ADPRS: variants seen among roughly 807,000 people sequenced by gnomAD.
ADPRS encodes ADP-ribosylserine hydrolase.
ADPRS carries 25 observed loss-of-function variants against 32.1 expected under a neutral mutation model. The ratio of observed to expected loss-of-function variants is 0.78; its 90% CI spans 0.57 to 1.09. ADPRS has a LOEUF of 1.09. Ranked by LOEUF, ADPRS falls within the 50% of genes least tolerant of loss-of-function variation. The probability of loss-of-function intolerance (pLI) is 0.00; values close to 1 mark genes in which losing one functional copy is unlikely to be tolerated. For missense variants in ADPRS, 482 were observed against 480.6 expected, an observed-to-expected ratio of 1.00 and a Z score of -0.03; for synonymous variants, 225 against 201.0, an observed-to-expected ratio of 1.12 and a Z score of -1.01.
In ADPRS at chr1:36,091,744, G is replaced by A. The variant is rs1466066563; in HGVS notation, c.435G>A (p.Gly145=). 1 of 1,613,652 alleles carries A rather than the reference G, an allele frequency of 6.2e-7. No homozygotes were observed. ...VFEPARAQFN[G]KGSYGNGGAM... is the part of the protein sequence containing the mutation. ...AGCCTGCCCGGGCCCAGTTTAACGG[G>A]AAAGGCTCCTATGGCAATGGAGGTG... is the stretch of plus-strand genomic sequence containing the variant. The change falls in exon 3 of 6, where the codon GGG becomes GGA. Residue 145 remains glycine (G), a synonymous_variant. Transcript: ENST00000373178.
Position 36,092,009 on chromosome 1 carries a change from T to G in ADPRS, c.616T>G (p.Ser206Ala). 4.3e-6 allele frequency: 7 copies of G among 1,613,784 alleles called. No homozygotes were observed. The highest frequency in any genetic ancestry group is 5.9e-6 in the Non-Finnish European group (7 of 1,179,910). ...TGTGCACCTGGCCTTGCAGGGCGAG[T>G]CTTCCAGCGAGCACTTTCTCAAGCA... ...LAVHLALQGE[S>A]SSEHFLKQLL... Residue 206 changes from serine to alanine, a missense_variant, in exon 4 of 6, where the codon TCT becomes GCT. Coordinates refer to ENST00000373178, the MANE Select transcript of ADPRS (RefSeq NM_017825.3).
chr1:36,090,787 A>G (rs935757976), intron 1 of ADPRS, among the ~76,000 whole-genome samples: 27 of 150,554 alleles, frequency 1.8e-4, no homozygotes, highest in Non-Finnish European at 1.2e-4. Flanking sequence ...GGAGGTCGAG[A>G]TGGAGTGAGC....
Position 36,091,612 on chromosome 1 carries a change from C to G in ADPRS, c.309-6C>G. The stretch of plus-strand genomic sequence containing the variant: ...TCTGAATTCTGTCTCCCCTTCTGTT[C>G]CCTAGATTTGCTCAGGAGTACAAGA... On this transcript the variant is annotated splice_region_variant and splice_polypyrimidine_tract_variant and intron_variant, in intron 2 of 5. Transcript: ENST00000373178. The G allele has an allele frequency of 6.3e-7, 1 of 1,582,982 alleles. No homozygotes were observed. The highest frequency in any genetic ancestry group is 2.3e-5 in the East Asian group (1 of 44,434).
In ADPRS at chr1:36,091,610, T is replaced by A; in HGVS notation, c.309-8T>A. On this transcript the variant is annotated splice_region_variant and splice_polypyrimidine_tract_variant and intron_variant, in intron 2 of 5. Transcript: ENST00000373178. ...AATCTGAATTCTGTCTCCCCTTCTG[T>A]TCCCTAGATTTGCTCAGGAGTACAA... is the stretch of plus-strand genomic sequence containing the variant. 6.3e-7 allele frequency: 1 copy of A among 1,577,856 alleles called. No homozygotes were observed. The highest frequency in any genetic ancestry group is 8.6e-7 in the Non-Finnish European group (1 of 1,159,888).
chr1:36,088,949 C>T lies in ADPRS; in HGVS notation c.45C>T (p.Gly15=), dbSNP rs1196230142. The T allele has an allele frequency of 5.9e-6, 9 of 1,516,228 alleles. No homozygotes were observed. The African/African-American group carries it at 7.2e-5, about 12-fold the overall frequency. The allele number at this position is 1,516,228 out of a possible 1,614,324, so 93.9% of individuals were successfully genotyped here. A position where few individuals can be genotyped will look rare whatever the true frequency, so the allele number is the denominator to read the frequency against. The change falls in exon 1 of 6, where the codon GGC becomes GGT. Residue 15 remains glycine, a synonymous_variant. Transcript: ENST00000373178. ...AMAAAAGGGA[G]AARSLSRFRG... ...CGGCAGCGGCAGGTGGAGGGGCTGGCGCGGCCCGCTCCCTCTCGCGCTTCC... is the reference window on the plus strand; with the variant it reads ...CGGCAGCGGCAGGTGGAGGGGCTGGTGCGGCCCGCTCCCTCTCGCGCTTCC...
chr1:36,091,927 C>G lies in ADPRS; in HGVS notation c.534C>G (p.Ala178=). ...QDVQKFARLS[A]QLTHASSLGY... The stretch of plus-strand genomic sequence containing the variant: ...CTCCCTAGTTTGCCCGGCTCTCGGC[C>G]CAGCTGACACACGCCTCCTCCCTGG... The change falls in exon 4 of 6, where the codon GCC becomes GCG. Residue 178 remains alanine (A), a synonymous_variant. Transcript: ENST00000373178. The G allele has an allele frequency of 1.2e-6, 2 of 1,606,278 alleles. No homozygotes were observed. Among genetic ancestry groups the G allele is most frequent in the South Asian group, 1.1e-5 (1 of 90,540 alleles).
At position 36,091,990 on chromosome 1, in the gene ADPRS, C is replaced by T; in HGVS notation, c.597C>T (p.His199=). 1 of 1,614,048 alleles carries T rather than the reference C, an allele frequency of 6.2e-7. No individual in the cohort carries two copies. Residue 199 remains histidine, a synonymous_variant, in exon 4 of 6, where the codon CAC becomes CAT. Coordinates refer to ENST00000373178, the MANE Select transcript of ADPRS (RefSeq NM_017825.3). ...NGAILQALAV[H]LALQGESSSE... ...CCATCCTGCAGGCCCTGGCTGTGCA[C>T]CTGGCCTTGCAGGGCGAGTCTTCCA...
chr1:36,091,423 G>A, intron 2 of ADPRS, 83 bp downstream of exon 2: 3 of 1,387,926 alleles, frequency 2.2e-6, no homozygotes, highest in Non-Finnish European at 3.0e-6. Flanking sequence ...ATTTGTGCAT[G>A]TCCACGCCCC....
intron 1 of ADPRS, among the ~76,000 whole-genome samples, chr1:36,089,404 A>G (rs992876921): frequency 2.6e-5 from 4 of 152,246 alleles, no homozygotes; most frequent in Non-Finnish European, 1.5e-5. Flanking sequence ...TGAAGTGGAA[A>G]GTGCGCTTTC....
chr1:36,092,738 A>G (rs1433623825), intron 5 of ADPRS, among the ~76,000 whole-genome samples: 2 of 152,250 alleles, frequency 1.3e-5, no homozygotes, highest in East Asian at 1.9e-4. Flanking sequence ...GCTGGCCACT[A>G]GTCGTAAAAA....
chr1:36,091,577 A>G, intron 2 of ADPRS, 41 bp from the exon 3 acceptor site: 1 of 1,528,618 alleles, frequency 6.5e-7, no homozygotes, highest in Non-Finnish European at 8.9e-7. Flanking sequence ...CCTTAGAGGC[A>G]TCTTGTAAAT....
Position 36,092,349 on chromosome 1 carries a change from A to T in ADPRS, c.702-73A>T. The T allele has an allele frequency of 3.5e-6, 5 of 1,444,870 alleles. No homozygotes were observed. The South Asian group carries it at 6.0e-5, about 17-fold the overall frequency. The allele number at this position is 1,444,870 out of a possible 1,614,324, so 89.5% of individuals were successfully genotyped here. On this transcript the variant is annotated intron_variant, in intron 4 of 5. Coordinates refer to ENST00000373178, the MANE Select transcript of ADPRS (RefSeq NM_017825.3). Reference sequence around the variant, plus strand: ...TGACCACATCCCTGCTCGTTCTCACATGCAGCCCTCTCCCCTGCCCGCGCC... The same window carrying T: ...TGACCACATCCCTGCTCGTTCTCACTTGCAGCCCTCTCCCCTGCCCGCGCC...
Position 36,092,588 on chromosome 1 carries a change from G to A in ADPRS, c.802+66G>A, listed in dbSNP as rs561276374. 23 of 1,470,122 alleles carry A rather than the reference G, an allele frequency of 1.6e-5. No homozygotes were observed. The South Asian group carries it at 2.5e-4, about 16-fold the overall frequency. The allele number at this position is 1,470,122 out of a possible 1,614,324, so 91.1% of individuals were successfully genotyped here. On this transcript the variant is annotated intron_variant, in intron 5 of 5. Transcript: ENST00000373178. ...CTTCAGGGTCGGTCTTGGGCTCAGG[G>A]GAGCATGGAGTCATGCCTGCCGTCG...
Position 36,091,714 on chromosome 1 carries a change from C to G in ADPRS, c.405C>G (p.Val135=), listed in dbSNP as rs534244832. 6.2e-7 allele frequency: 1 copy of G among 1,613,946 alleles called. No individual in the cohort carries two copies. Among genetic ancestry groups the G allele is most frequent in the South Asian group, 1.1e-5 (1 of 91,012 alleles). Residue 135 remains valine, a synonymous_variant, in exon 3 of 6, where the codon GTC becomes GTG. Coordinates refer to ENST00000373178, the MANE Select transcript of ADPRS (RefSeq NM_017825.3). Reference sequence around the variant, plus strand: ...TCCTGAACCCCAAATGTCGCGATGTCTTTGAGCCTGCCCGGGCCCAGTTTA... The same window carrying G: ...TCCTGAACCCCAAATGTCGCGATGTGTTTGAGCCTGCCCGGGCCCAGTTTA... ...KKLLNPKCRD[V]FEPARAQFNG...
chr1:36,090,314 AAAAC>A (rs1643461900), intron 1 of ADPRS, among the ~76,000 whole-genome samples: 1 of 152,134 alleles, frequency 6.6e-6, no homozygotes, highest in Admixed American at 6.6e-5. Context: ...AAACAAAACA[AAAAC>A]AAAAAGACTG....
At chr1:36,091,519 C>T (rs770386513) in intron 2 of ADPRS, 99 bp from the exon 3 acceptor site, 198 of 1,308,338 alleles carry the variant, frequency 1.5e-4, no homozygotes, top group Non-Finnish European at 2.0e-4. Context: ...CTTAGGCCCC[C>T]GAGGCTTTCT....
At chr1:36,089,180 C>G (rs1643443460) in intron 1 of ADPRS, 65 bp downstream of exon 1, 4 of 1,364,480 alleles carry the variant, frequency 2.9e-6, no homozygotes, top group African/African-American at 1.5e-5. Context: ...GCGGAGCCTC[C>G]GGGGGCGACG....
chr1:36,091,720 GCCTGC>G lies in ADPRS; in HGVS notation c.414_418del (p.Ala139GlyfsTer4), dbSNP rs1557733597. On this transcript the variant is annotated frameshift_variant, in exon 3 of 6. Coordinates refer to ENST00000373178, the MANE Select transcript of ADPRS (RefSeq NM_017825.3). LOFTEE classifies it high-confidence loss of function. The stretch of plus-strand genomic sequence containing the variant: ...ACCCCAAATGTCGCGATGTCTTTGA[GCCTGC>G]CCGGGCCCAGTTTAACGGGAAAGGC... 1.9e-6 allele frequency: 3 copies of G among 1,613,776 alleles called. No individual in the cohort carries two copies. The South Asian group carries it at 3.3e-5, about 18-fold the overall frequency.
intron 1 of ADPRS, 21 bp downstream of exon 1, chr1:36,089,136 G>A (rs200675752): frequency 2.1e-6 from 3 of 1,397,566 alleles, no homozygotes; most frequent in East Asian, 6.0e-5. Flanking sequence ...CCGGGCGCAA[G>A]TCAGAGGCCG....
Sources: gnomAD v4.1 joint callset for allele counts (sites outside exome capture counted in the v4.1 genomes callset) on GRCh38, gnomAD v4.1.1 for gene constraint, MANE v1.5 for transcripts, NCBI Gene and HGNC (gene_info 2026-07-23, HGNC 2026-07-21) for gene names.